Variants in MTOR observed in about 807,000 individuals in gnomAD.
The protein encoded by MTOR is mechanistic target of rapamycin kinase, also known as serine/threonine-protein kinase mTOR.
A neutral mutation model predicts 319.8 loss-of-function variants in MTOR; 70 were observed. That is an observed-to-expected ratio of 0.22 (90% CI 0.18 to 0.27). The LOEUF is 0.27. Ranked by LOEUF, MTOR falls within the 10% of genes least tolerant of loss-of-function variation. The probability of loss-of-function intolerance (pLI) is 1.00; values close to 1 mark genes in which losing one functional copy is unlikely to be tolerated. For synonymous variants in MTOR, 1,183 were observed against 1,211.4 expected, an observed-to-expected ratio of 0.98 and a Z score of 0.49; for missense variants, 1,890 against 3,274.4, an observed-to-expected ratio of 0.58 and a Z score of 10.32.
At chr1:11,242,049 C>A (rs1648112972) in intron 9 of MTOR, among the ~76,000 whole-genome samples, 1 of 151,720 alleles carries the variant, frequency 6.6e-6, no homozygotes, top group African/African-American at 2.4e-5. Context: ...GAAAGAAATT[C>A]TTCTATGATG....
At chr1:11,239,133 G>A (rs1647636641) in intron 11 of MTOR, among the ~76,000 whole-genome samples, 1 of 151,990 alleles carries the variant, frequency 6.6e-6, no homozygotes, top group Non-Finnish European at 1.5e-5. Flanking sequence ...GGTAAAAGGG[G>A]GTGGTGAAGG....
At chr1:11,197,264 G>A (rs1645817963) in intron 28 of MTOR, among the ~76,000 whole-genome samples, 1 of 152,220 alleles carries the variant, frequency 6.6e-6, no homozygotes, top group Non-Finnish European at 1.5e-5. Context: ...CTCACCCACA[G>A]AACTAGGGGT....
chr1:11,199,580 G>A lies in MTOR; in HGVS notation c.4068C>T (p.Thr1356=), dbSNP rs753465696. 3.7e-6 allele frequency: 6 copies of A among 1,614,120 alleles called. No individual in the cohort carries two copies. The South Asian group carries it at 5.5e-5, about 15-fold the overall frequency. ...CCATGAATTCAGCCAAGTTTAAGAG[G>A]GTCTGTGTGACTTCAGCGATGTCTT... The part of the protein sequence containing the change: ...TSQDIAEVTQ[T]LLNLAEFMEH... Residue 1356 remains threonine, a synonymous_variant, in exon 27 of 58, where the codon ACC becomes ACT. Coordinates refer to ENST00000361445, the MANE Select transcript of MTOR (RefSeq NM_004958.4). This position sits in a 1 kb window ranked among gnomAD's most constrained non-coding sequence, Gnocchi z 4.5.
chr1:11,122,208 T>C, intron 47 of MTOR, 82 bp from the exon 48 acceptor site: 1 of 1,520,318 alleles, frequency 6.6e-7, no homozygotes, highest in Non-Finnish European at 8.9e-7. Context: ...CAGACTGTTT[T>C]TTTTTTCTTT....
At chr1:11,257,260 G>T in intron 3 of MTOR, 95 bp from the exon 4 acceptor site, 1 of 1,099,922 alleles carries the variant, frequency 9.1e-7, no homozygotes, top group Non-Finnish European at 1.3e-6. Context: ...TGCCGGCCAG[G>T]CACGGTGGCT....
chr1:11,159,464 A>ATC (rs1644408107), intron 29 of MTOR, among the ~76,000 whole-genome samples: 1 of 152,066 alleles, frequency 6.6e-6, no homozygotes, highest in Non-Finnish European at 1.5e-5. Flanking sequence ...CAACATGGAG[A>ATC]AACCCTGTCT....
chr1:11,122,190 A>C (rs2100364972), intron 47 of MTOR, 64 bp from the exon 48 acceptor site: 2 of 1,565,744 alleles, frequency 1.3e-6, no homozygotes, highest in Non-Finnish European at 1.7e-6. Flanking sequence ...AGCAGCTCAG[A>C]ACACAGGCAG....
chr1:11,195,137 A>G, intron 28 of MTOR: 1 of 1,139,126 alleles, frequency 8.8e-7, no homozygotes, highest in South Asian at 1.6e-5. Context: ...AACAGCCTAT[A>G]ATCTCCAAAG....
At chr1:11,225,503 C>T (rs1244245923) in intron 19 of MTOR, among the ~76,000 whole-genome samples, 1 of 150,754 alleles carries the variant, frequency 6.6e-6, no homozygotes, top group Non-Finnish European at 1.5e-5. Context: ...CTCACTGCAA[C>T]CTCCACCTCC....
chr1:11,247,600 T>C, intron 8 of MTOR, 25 bp downstream of exon 8: 2 of 1,598,318 alleles, frequency 1.3e-6, no homozygotes, highest in South Asian at 1.1e-5. Flanking sequence ...AGATGGGTAA[T>C]GATGTCTTCC....
intron 13 of MTOR, among the ~76,000 whole-genome samples, chr1:11,235,403 G>A (rs908653777): frequency 1.3e-5 from 2 of 152,100 alleles, no homozygotes; most frequent in Non-Finnish European, 2.9e-5. Flanking sequence ...TGGACTGCTC[G>A]AGCCCAAGAG....
chr1:11,241,757 CA>C (rs1648065354), intron 9 of MTOR, 76 bp from the exon 10 acceptor site: 2 of 1,544,692 alleles, frequency 1.3e-6, no homozygotes, highest in Non-Finnish European at 1.8e-6. Context: ...CACCTTGGGG[CA>C]AGGAGAGCAG....
intron 28 of MTOR, among the ~76,000 whole-genome samples, chr1:11,190,116 T>C (rs1002540673): frequency 1.3e-5 from 2 of 152,228 alleles, no homozygotes; most frequent in African/African-American, 4.8e-5. Flanking sequence ...TCTAATGCTA[T>C]GTAAGTTTAC....
At position 11,256,958 on chromosome 1, in the gene MTOR, C is replaced by A. The variant is rs759750826; in HGVS notation, c.479G>T (p.Arg160Leu). The A allele has an allele frequency of 6.2e-7, 1 of 1,613,932 alleles. No individual in the cohort carries two copies. Among genetic ancestry groups the A allele is most frequent in the Non-Finnish European group, 8.5e-7 (1 of 1,179,932 alleles). ...KRALEWLGAD[R>L]NEGRRHAAVL... ...AGCTGCATGTCTCCGGCCCTCATTGCGGTCAGCACCCAGCCATTCCAGGGC... is the reference window on the plus strand; with the variant it reads ...AGCTGCATGTCTCCGGCCCTCATTGAGGTCAGCACCCAGCCATTCCAGGGC... Residue 160 changes from arginine (R) to leucine (L), a missense_variant, in exon 4 of 58, where the codon CGC (arginine) becomes CTC (leucine). Arg to Leu is a moderately radical substitution (Grantham distance 102). Around this residue, in one of 15 missense-constraint regions of MTOR, gnomAD observed 81 missense variants for 203.6 expected, o/e 0.40. Transcript: ENST00000361445.
At chr1:11,219,026 T>A (rs972100462) in intron 19 of MTOR, among the ~76,000 whole-genome samples, 14 of 151,996 alleles carry the variant, frequency 9.2e-5, no homozygotes, top group Admixed American at 5.9e-4. Context: ...CTGAGCAACA[T>A]GGCAAAACCT....
chr1:11,185,243 G>C (rs1005387143), intron 28 of MTOR, among the ~76,000 whole-genome samples: 21 of 149,422 alleles, frequency 1.4e-4, no homozygotes, highest in African/African-American at 5.3e-4. Flanking sequence ...ACAGAAATCA[G>C]AGAGACTTTT....
intron 29 of MTOR, among the ~76,000 whole-genome samples, chr1:11,158,786 GA>G (rs1474552367): frequency 3.3e-5 from 5 of 152,028 alleles, no homozygotes; most frequent in African/African-American, 9.7e-5. Context: ...GCAGAGGGGA[GA>G]GGGGGCAGCA....
chr1:11,117,265 G>A (rs1431196194), intron 49 of MTOR, among the ~76,000 whole-genome samples, 179 bp from the exon 50 acceptor site: 3 of 152,172 alleles, frequency 2.0e-5, no homozygotes, highest in Non-Finnish European at 4.4e-5. Flanking sequence ...GGTTCAAGCG[G>A]TTCTCATGCC....
At chr1:11,124,413 G>A (rs2100379860) in intron 47 of MTOR, 85 bp downstream of exon 47, 1 of 1,512,806 alleles carries the variant, frequency 6.6e-7, no homozygotes. Context: ...TTTTTGTTAA[G>A]ATATAATACA....
Sources: allele counts gnomAD v4.1 joint callset (sites outside exome capture counted in the v4.1 genomes callset), GRCh38; gene constraint gnomAD v4.1.1; regional missense constraint gnomAD v4.1.1; non-coding constraint Gnocchi (gnomAD v3.1); transcripts MANE v1.5; gene names NCBI Gene and HGNC (gene_info 2026-07-23, HGNC 2026-07-21).